The following WDR31 variants were observed in gnomAD, a reference collection of about 807,000 sequenced individuals.
WDR31 encodes the protein WD repeat-containing protein 31.
In WDR31, 30 loss-of-function variants were observed where a neutral mutation model predicts 47.3. That is an observed-to-expected ratio of 0.63 (90% CI 0.47 to 0.86). The LOEUF (loss-of-function observed/expected upper bound fraction) is 0.86, where lower values mean the gene tolerates loss of function less well. Ranked by LOEUF, WDR31 falls within the 40% of genes least tolerant of loss-of-function variation. The pLI, the probability that WDR31 is intolerant of heterozygous loss-of-function variation, is 0.00. For missense variants in WDR31, 406 were observed against 442.9 expected (o/e 0.92, Z 0.75); for synonymous variants, 137 against 159.4 (o/e 0.86, Z 1.06).
At chr9:113,339,406 A>G (rs542090894) in intron 1 of WDR31, among the ~76,000 whole-genome samples, 79 of 152,176 alleles carry the variant, frequency 5.2e-4, no homozygotes, top group African/African-American at 1.9e-3. Flanking sequence ...CGTCTCCCCA[A>G]ATCTCCCTCT....
intron 2 of WDR31, among the ~76,000 whole-genome samples, chr9:113,334,693 C>G (rs1307610878): frequency 1.5e-5 from 2 of 137,026 alleles, no homozygotes; most frequent in Non-Finnish European, 3.1e-5. Flanking sequence ...GCATGCGCCA[C>G]TACATCAGGC....
chr9:113,333,422 C>T (rs1366139143), intron 2 of WDR31, among the ~76,000 whole-genome samples: 1 of 144,138 alleles, frequency 6.9e-6, no homozygotes, highest in Non-Finnish European at 1.5e-5. Flanking sequence ...TCGCCCAGGC[C>T]GGACTGCGGA....
Position 113,316,469 on chromosome 9 carries a change from C to CT in WDR31, c.*279dup, listed in dbSNP as rs541806719. Reference sequence around the variant, plus strand: ...ACAGGTCATCATTCTGAGCAATACACTTTTTTTGAAGAGTAGTCCTAAAAG... The same window carrying CT: ...ACAGGTCATCATTCTGAGCAATACACTTTTTTTTGAAGAGTAGTCCTAAAAG... On this transcript the variant is annotated 3_prime_UTR_variant, in exon 11 of 11. Coordinates refer to ENST00000374193, the MANE Select transcript of WDR31 (RefSeq NM_001012361.4). The CT allele has an allele frequency of 1.4e-4, 44 of 314,596 alleles. No homozygotes were observed. Among genetic ancestry groups the CT allele is most frequent in the Non-Finnish European group, 2.4e-4 (40 of 169,942 alleles). The allele number at this position is 314,596 out of a possible 1,614,324, so 19.5% of individuals were successfully genotyped here. A position where few individuals can be genotyped will look rare whatever the true frequency, so the allele number is the denominator to read the frequency against.
rs1833171024 is a variant in WDR31 at position 113,315,516 on chromosome 9, G to A, written c.*1233C>T. 1 of 152,160 alleles carries A rather than the reference G, an allele frequency of 6.6e-6. No individual in the cohort carries two copies. The highest frequency in any genetic ancestry group is 1.5e-5 in the Non-Finnish European group (1 of 68,064). The allele number at this position is 152,160 out of a possible 1,614,324, so 9.4% of individuals were successfully genotyped here. Reference sequence around the variant, plus strand: ...AGGCAGAAAGAACTCCATTTTCCCTGGAGGAAAATGGACCAGTGAGCATGA... The same window carrying A: ...AGGCAGAAAGAACTCCATTTTCCCTAGAGGAAAATGGACCAGTGAGCATGA... On this transcript the variant is annotated 3_prime_UTR_variant, in exon 11 of 11. Transcript: ENST00000374193.
At chr9:113,326,790 T>C (rs1422928542) in intron 5 of WDR31, among the ~76,000 whole-genome samples, 1 of 152,154 alleles carries the variant, frequency 6.6e-6, no homozygotes, top group African/African-American at 2.4e-5. Flanking sequence ...TACTTTTTAA[T>C]AATATTTTTT....
chr9:113,337,018 C>T (rs895128707), intron 1 of WDR31, among the ~76,000 whole-genome samples: 1 of 152,204 alleles, frequency 6.6e-6, no homozygotes, highest in Non-Finnish European at 1.5e-5. Flanking sequence ...TTTAATAACT[C>T]AATTTTAAGA....
At position 113,313,794 on chromosome 9, in the gene WDR31, C is replaced by T. The variant is rs1833126691; in HGVS notation, c.*2955G>A. On this transcript the variant is annotated 3_prime_UTR_variant, in exon 11 of 11. Transcript: ENST00000374193. ...GCTTCCTCTCCCACTATCTCTTTGT[C>T]TTTCCAGAGTTGAAAGACCCATAAC... The T allele has an allele frequency of 6.6e-6, 1 of 152,166 alleles. No individual in the cohort carries two copies. Among genetic ancestry groups the T allele is most frequent in the African/African-American group, 2.4e-5 (1 of 41,438 alleles). The allele number at this position is 152,166 out of a possible 1,614,324, so 9.4% of individuals were successfully genotyped here.
chr9:113,337,889 TA>T (rs1293032413), intron 1 of WDR31, among the ~76,000 whole-genome samples: 1 of 152,218 alleles, frequency 6.6e-6, no homozygotes, highest in African/African-American at 2.4e-5. Context: ...AGATAAGGGA[TA>T]CTCAACCTGT....
chr9:113,329,004 G>A (rs750205188), intron 4 of WDR31, 49 bp from the exon 5 acceptor site: 2 of 1,494,512 alleles, frequency 1.3e-6, no homozygotes, highest in Admixed American at 3.3e-5. Flanking sequence ...TTGTTAAAGT[G>A]ACACTAGCCT....
chr9:113,337,192 C>T (rs1266303459), intron 1 of WDR31, among the ~76,000 whole-genome samples: 1 of 152,126 alleles, frequency 6.6e-6, no homozygotes, highest in African/African-American at 2.4e-5. Flanking sequence ...AGTTGCTGAA[C>T]CTCTCTAAGT....
At chr9:113,332,783 C>T (rs948952333) in intron 2 of WDR31, among the ~76,000 whole-genome samples, 3 of 152,178 alleles carry the variant, frequency 2.0e-5, no homozygotes, top group Non-Finnish European at 4.4e-5. Flanking sequence ...GGAGGTAGGG[C>T]TTAGTTGGAG....
At chr9:113,329,096 C>T (rs978858824) in intron 4 of WDR31, 141 bp from the exon 5 acceptor site, 1 of 720,248 alleles carries the variant, frequency 1.4e-6, no homozygotes, top group African/African-American at 1.8e-5. Flanking sequence ...TCGGGGTTCC[C>T]TGTTGTGGCC....
At chr9:113,325,277 T>C (rs1833437352) in intron 5 of WDR31, among the ~76,000 whole-genome samples, 1 of 152,180 alleles carries the variant, frequency 6.6e-6, no homozygotes, top group South Asian at 2.1e-4. Flanking sequence ...TTTTAAACAA[T>C]GTACAGGTGG....
intron 2 of WDR31, among the ~76,000 whole-genome samples, chr9:113,335,707 T>C (rs765514719): frequency 6.6e-6 from 1 of 152,124 alleles, no homozygotes; most frequent in Non-Finnish European, 1.5e-5. Flanking sequence ...ATGGAAACAA[T>C]GTGAGTGGCA....
At chr9:113,334,005 T>G (rs1316110434) in intron 2 of WDR31, among the ~76,000 whole-genome samples, 1 of 151,656 alleles carries the variant, frequency 6.6e-6, no homozygotes, top group East Asian at 1.9e-4. Flanking sequence ...TTTTTCCTTC[T>G]CCTTCTCCTT....
intron 6 of WDR31, 29 bp from the exon 7 acceptor site, chr9:113,322,940 T>C: frequency 6.2e-7 from 1 of 1,614,062 alleles, no homozygotes; most frequent in Non-Finnish European, 8.5e-7. Flanking sequence ...GAAGACAGCC[T>C]GTGAGTGGGG....
rs528942900 is a variant in WDR31 at position 113,332,953 on chromosome 9, C to T, written c.-28-903G>A. On this transcript the variant is annotated intron_variant, in intron 2 of 10. Transcript: ENST00000374193. Reference sequence around the variant, plus strand: ...TTCCTTCCTCTCTTGCCAAGGGATGCCTGCTCTCCTTTGCCTACTGCCACG... The same window carrying T: ...TTCCTTCCTCTCTTGCCAAGGGATGTCTGCTCTCCTTTGCCTACTGCCACG... Among the ~76,000 whole-genome samples, 12 of 152,322 alleles carry T rather than the reference C, an allele frequency of 7.9e-5. No homozygotes were observed. The East Asian group carries it at 2.3e-3, about 29-fold the overall frequency.
At chr9:113,332,484 G>A (rs147159894) in intron 2 of WDR31, among the ~76,000 whole-genome samples, 95 of 152,268 alleles carry the variant, frequency 6.2e-4, no homozygotes, top group African/African-American at 2.0e-3. Flanking sequence ...TGAAGTACTC[G>A]TACATACTAC....
intron 8 of WDR31, among the ~76,000 whole-genome samples, chr9:113,320,769 A>T (rs1002530719): frequency 2.0e-5 from 3 of 152,234 alleles, no homozygotes; most frequent in Admixed American, 6.5e-5. Flanking sequence ...TGTACAAGTT[A>T]ATTTGTTAAT....
Sources: gnomAD v4.1 joint callset for allele counts (sites outside exome capture counted in the v4.1 genomes callset) on GRCh38, gnomAD v4.1.1 for gene constraint, MANE v1.5 for transcripts, NCBI Gene and HGNC (gene_info 2026-07-23, HGNC 2026-07-21) for gene names.